Variants in NCAM1 observed in about 807,000 individuals in gnomAD.
NCAM1 encodes the protein antigen recognized by monoclonal antibody 5.1H11.
Under a neutral mutation model 109.8 loss-of-function variants are expected in NCAM1, and 14 were observed. That is an observed-to-expected ratio of 0.13 (90% confidence interval 0.08 to 0.20). NCAM1 has a LOEUF of 0.20. Among genes scored for constraint, NCAM1 ranks in the 10% least tolerant of loss-of-function variants. The pLI is 1.00. For missense variants in NCAM1, 774 were observed against 1,109.9 expected, an observed-to-expected ratio of 0.70 and a Z score of 4.30; for synonymous variants, 418 against 442.9, an observed-to-expected ratio of 0.94 and a Z score of 0.70.
intron 9 of NCAM1, among the ~76,000 whole-genome samples, chr11:113,228,781 C>T (rs1397453869): frequency 1.3e-5 from 2 of 152,108 alleles, no homozygotes; most frequent in African/African-American, 4.8e-5. Context: ...TAATGCCACA[C>T]ATCTACAACT....
chr11:113,099,878 G>A (rs1374234732), intron 1 of NCAM1, among the ~76,000 whole-genome samples: 2 of 152,038 alleles, frequency 1.3e-5, no homozygotes, highest in Non-Finnish European at 2.9e-5. Context: ...TAGCAGAGAC[G>A]GGGTTTCACC....
intron 1 of NCAM1, among the ~76,000 whole-genome samples, chr11:113,055,448 G>A (rs375073431): frequency 3.9e-4 from 59 of 152,260 alleles, no homozygotes; most frequent in Middle Eastern, 3.4e-3. Context: ...ATTTTTAGTC[G>A]TAGAATTCTC....
At chr11:113,005,262 C>G (rs113502796) in intron 1 of NCAM1, among the ~76,000 whole-genome samples, 55 of 152,276 alleles carry the variant, frequency 3.6e-4, no homozygotes, top group South Asian at 6.2e-4. Flanking sequence ...TTCTGGTGAT[C>G]ATTGGCTATC....
At chr11:113,041,544 A>G (rs1209263583) in intron 1 of NCAM1, among the ~76,000 whole-genome samples, 2 of 152,212 alleles carry the variant, frequency 1.3e-5, no homozygotes, top group African/African-American at 4.8e-5. Flanking sequence ...GGGGATGACT[A>G]TCTTCAGATT....
chr11:112,988,986 G>A (rs1333258741), intron 1 of NCAM1, among the ~76,000 whole-genome samples: 12 of 152,116 alleles, frequency 7.9e-5, no homozygotes, highest in African/African-American at 2.9e-4. Flanking sequence ...GGCCTCAAGT[G>A]ATATGCCCAC....
chr11:113,214,274 A>G (rs1425626748), intron 7 of NCAM1, 95 bp from the exon 8 acceptor site: 2 of 1,346,092 alleles, frequency 1.5e-6, no homozygotes, highest in Middle Eastern at 1.8e-4. Flanking sequence ...TGTACTTAGC[A>G]GACAGCTAAC....
chr11:113,195,523 G>A (rs964338601), intron 1 of NCAM1, among the ~76,000 whole-genome samples: 5 of 98,562 alleles, frequency 5.1e-5, no homozygotes, highest in Admixed American at 1.4e-4. Flanking sequence ...TTTTTTTTGA[G>A]ACAGAGTCTC....
chr11:113,070,901 G>T (rs1297454571), intron 1 of NCAM1, among the ~76,000 whole-genome samples: 1 of 152,150 alleles, frequency 6.6e-6, no homozygotes, highest in African/African-American at 2.4e-5. Flanking sequence ...TTTGGGGTGT[G>T]CTGAAACTGG....
chr11:113,072,827 T>TA (rs1260120234), intron 1 of NCAM1, among the ~76,000 whole-genome samples: 18 of 151,636 alleles, frequency 1.2e-4, no homozygotes, highest in Middle Eastern at 3.2e-3. Context: ...TTTTTTATTT[T>TA]TTTTTTCATT....
At chr11:113,154,104 A>G (rs1159839241) in intron 1 of NCAM1, among the ~76,000 whole-genome samples, 1 of 152,258 alleles carries the variant, frequency 6.6e-6, no homozygotes, top group Non-Finnish European at 1.5e-5. Flanking sequence ...GAATAAATGT[A>G]GGACACTTGC....
chr11:113,073,945 G>A (rs1185981320), intron 1 of NCAM1, among the ~76,000 whole-genome samples: 1 of 152,186 alleles, frequency 6.6e-6, no homozygotes, highest in Non-Finnish European at 1.5e-5. Context: ...TCTGTAAGTG[G>A]CAGTGCCTAG....
At chr11:113,087,324 C>T (rs1482117524) in intron 1 of NCAM1, among the ~76,000 whole-genome samples, 1 of 152,184 alleles carries the variant, frequency 6.6e-6, no homozygotes. Flanking sequence ...ACTATGCTTA[C>T]AGCATTCATG....
At chr11:113,014,932 A>G (rs1952168731) in intron 1 of NCAM1, among the ~76,000 whole-genome samples, 1 of 152,156 alleles carries the variant, frequency 6.6e-6, no homozygotes, top group Non-Finnish European at 1.5e-5. Context: ...TGGATCTTGC[A>G]CTCAAAGGCT....
intron 1 of NCAM1, among the ~76,000 whole-genome samples, chr11:112,968,888 A>C (rs1488011376): frequency 1.3e-5 from 2 of 152,198 alleles, no homozygotes; most frequent in African/African-American, 4.8e-5. Flanking sequence ...CCTTAACTCA[A>C]CAAACCTTTG....
chr11:113,275,162 A>G, intron 19 of NCAM1, 105 bp from the exon 20 acceptor site: 1 of 1,442,688 alleles, frequency 6.9e-7, no homozygotes, highest in Non-Finnish European at 9.3e-7. Context: ...GGGTGCTGTC[A>G]CTGGAGAACC....
At chr11:113,119,506 A>G (rs1215949404) in intron 1 of NCAM1, among the ~76,000 whole-genome samples, 1 of 152,190 alleles carries the variant, frequency 6.6e-6, no homozygotes, top group Admixed American at 6.5e-5. Flanking sequence ...GGCTGGTAGC[A>G]GTGCCCCTAG....
In NCAM1 at chr11:113,202,664, T is replaced by A. The variant is rs562067652; in HGVS notation, c.127+211T>A. ...CTGCCTCAACATAGCAAATCTGTCATCTAGACTTCACCTTGACTACAGAGG... is the reference window on the plus strand; with the variant it reads ...CTGCCTCAACATAGCAAATCTGTCAACTAGACTTCACCTTGACTACAGAGG... On this transcript the variant is annotated intron_variant, in intron 2 of 19. Transcript: ENST00000316851. Among the ~76,000 whole-genome samples, 12 of 152,346 alleles carry A rather than the reference T, an allele frequency of 7.9e-5. 1 individual carries two copies. The highest frequency in any genetic ancestry group is 6.2e-4 in the South Asian group (3 of 4,822).
At chr11:112,977,114 T>A (rs573093275) in intron 1 of NCAM1, among the ~76,000 whole-genome samples, 204 of 15,368 alleles carry the variant, frequency 0.013, 2 homozygotes, top group African/African-American at 0.016. Context: ...CTTGGAAACT[T>A]TGGTAAAAAA....
intron 1 of NCAM1, among the ~76,000 whole-genome samples, chr11:113,066,440 G>A (rs1001455733): frequency 1.1e-4 from 17 of 152,098 alleles, no homozygotes; most frequent in Non-Finnish European, 5.9e-5. Context: ...ATCCATCCAG[G>A]ATTGGGTAGA....
Sources: allele counts gnomAD v4.1 joint callset (sites outside exome capture counted in the v4.1 genomes callset), GRCh38; gene constraint gnomAD v4.1.1; transcripts MANE v1.5; gene names NCBI Gene and HGNC (gene_info 2026-07-23, HGNC 2026-07-21).